ETFA: variants seen among roughly 807,000 people sequenced by gnomAD.
ETFA encodes the protein electron transfer flavoprotein subunit alpha, mitochondrial.
Under a neutral mutation model 46.2 loss-of-function variants are expected in ETFA, and 22 were observed. The observed-to-expected ratio is 0.48, with a 90% confidence interval of 0.34 to 0.68. The LOEUF (loss-of-function observed/expected upper bound fraction) is 0.68, where lower values mean the gene tolerates loss of function less well. ETFA is among the 30% of genes least tolerant of loss of function. The probability of loss-of-function intolerance (pLI) is 0.01; values close to 1 mark genes in which losing one functional copy is unlikely to be tolerated. For synonymous variants in ETFA, 131 were observed against 139.9 expected (o/e 0.94, Z 0.45); for missense variants, 345 against 401.1 (o/e 0.86, Z 1.19).
chr15:76,233,141 T>C (rs2039086287), intron 9 of ETFA, among the ~76,000 whole-genome samples: 1 of 152,150 alleles, frequency 6.6e-6, no homozygotes, highest in Non-Finnish European at 1.5e-5. Context: ...TGGATGAGGA[T>C]AAAAAGCAAT....
intron 1 of ETFA, among the ~76,000 whole-genome samples, chr15:76,304,646 A>AG (rs1243983828): frequency 6.7e-6 from 1 of 149,448 alleles, no homozygotes; most frequent in East Asian, 2.0e-4. Context: ...CCTGGGTGAG[A>AG]GTAAGACTCT....
intron 8 of ETFA, among the ~76,000 whole-genome samples, chr15:76,275,974 T>A (rs902048925): frequency 6.6e-6 from 1 of 152,180 alleles, no homozygotes; most frequent in Non-Finnish European, 1.5e-5. Flanking sequence ...GAATACAATG[T>A]TATTATTTTA....
rs1342201540 is a variant in ETFA at position 76,234,247 on chromosome 15, A to C, written c.817-2849T>G. 2.6e-5 allele frequency among the ~76,000 whole-genome samples: 4 copies of C among 152,176 alleles called. 1 individual carries two copies. Among genetic ancestry groups the C allele is most frequent in the Admixed American group, 2.6e-4 (4 of 15,272 alleles). On this transcript the variant is annotated intron_variant, in intron 9 of 11. Transcript: ENST00000557943. ...TATAGGGATTTTGGCGGCTGCTCTG[A>C]GGCTCTGATAGCTCTCTCAGGAAGA...
At position 76,276,746 on chromosome 15, in the gene ETFA, GT is replaced by G. The variant is rs527919642; in HGVS notation, c.734-2253del. Among the ~76,000 whole-genome samples the G allele has an allele frequency of 6.2e-4, 95 of 152,240 alleles. 1 individual carries two copies. The highest frequency in any genetic ancestry group is 4.9e-4 in the Non-Finnish European group (33 of 67,998). ...TCGGCCATATCCAGTCTACTAAGAA[GT>G]CCTTAAAAGGTATACTTCATTTCTG... is the stretch of plus-strand genomic sequence containing the variant. On this transcript the variant is annotated intron_variant, in intron 8 of 11. Coordinates refer to ENST00000557943, the MANE Select transcript of ETFA (RefSeq NM_000126.4).
chr15:76,259,423 G>A, intron 9 of ETFA: 1 of 1,176,648 alleles, frequency 8.5e-7, no homozygotes, highest in Non-Finnish European at 1.3e-6. Context: ...GGATGGAGTG[G>A]GAGTGTAAGA....
chr15:76,279,317 C>A (rs190521536), intron 8 of ETFA, among the ~76,000 whole-genome samples: 1 of 152,208 alleles, frequency 6.6e-6, no homozygotes, highest in Admixed American at 6.5e-5. Context: ...GTTCTGTCAC[C>A]CAGGCTGGAG....
Position 76,225,943 on chromosome 15 carries a change from A to G in ETFA, c.883-14T>C. The stretch of plus-strand genomic sequence containing the variant: ...TGCCACAATTGTCTGTGAAATAAAA[A>G]CAAAGAGTTTGACTTTTACCAAGAA... On this transcript the variant is annotated splice_polypyrimidine_tract_variant and intron_variant, in intron 10 of 11. Transcript: ENST00000557943. 1 of 1,554,624 alleles carries G rather than the reference A, an allele frequency of 6.4e-7. No homozygotes were observed. The highest frequency in any genetic ancestry group is 1.4e-5 in the African/African-American group (1 of 73,914).
At chr15:76,278,262 G>A (rs144517035) in intron 8 of ETFA, among the ~76,000 whole-genome samples, 10 of 152,180 alleles carry the variant, frequency 6.6e-5, no homozygotes, top group East Asian at 3.9e-4. Flanking sequence ...AATTTTCAGC[G>A]TCTTTCTGAC....
At chr15:76,238,766 G>C (rs559039594) in intron 9 of ETFA, among the ~76,000 whole-genome samples, 2 of 152,020 alleles carry the variant, frequency 1.3e-5, no homozygotes, top group Non-Finnish European at 2.9e-5. Flanking sequence ...TCATTTAAAA[G>C]GCCAAACTAT....
intron 9 of ETFA, among the ~76,000 whole-genome samples, chr15:76,270,516 CT>C (rs1363624447): frequency 1.3e-5 from 2 of 152,272 alleles, no homozygotes; most frequent in East Asian, 3.9e-4. Context: ...CATTCTCTAG[CT>C]TTTTTCACTG....
At chr15:76,259,673 T>A in intron 9 of ETFA, 1 of 1,017,534 alleles carries the variant, frequency 9.8e-7, no homozygotes, top group Non-Finnish European at 1.6e-6. Flanking sequence ...AGCCCCGCTG[T>A]AGATCTTCCA....
Position 76,296,772 on chromosome 15 carries a change from A to T in ETFA, c.40-1035T>A, listed in dbSNP as rs550311021. 1.1e-4 allele frequency among the ~76,000 whole-genome samples: 17 copies of T among 152,374 alleles called. 2 individuals are homozygous for T. The South Asian group carries it at 3.1e-3, about 28-fold the overall frequency. The stretch of plus-strand genomic sequence containing the variant: ...TGGAATAATTTTAAACACAAGGAAC[A>T]CAAAGATGAACAAGAATGGTCCCTG... On this transcript the variant is annotated intron_variant, in intron 1 of 11. Transcript: ENST00000557943.
At chr15:76,252,737 C>A (rs922973455) in intron 9 of ETFA, among the ~76,000 whole-genome samples, 1 of 151,884 alleles carries the variant, frequency 6.6e-6, no homozygotes, top group Admixed American at 6.6e-5. Flanking sequence ...TATGAACTGA[C>A]AAAATTGGGA....
At chr15:76,271,587 A>AT (rs2039531687) in intron 9 of ETFA, among the ~76,000 whole-genome samples, 5 of 152,218 alleles carry the variant, frequency 3.3e-5, no homozygotes, top group Admixed American at 3.3e-4. Context: ...TCCTTTTGCT[A>AT]TAAAGGACAT....
Position 76,243,973 on chromosome 15 carries a change from G to T in ETFA, c.817-12575C>A, listed in dbSNP as rs555265937. Among the ~76,000 whole-genome samples, 849 of 152,104 alleles carry T rather than the reference G, an allele frequency of 5.6e-3. 15 individuals carry two copies. Among genetic ancestry groups the T allele is most frequent in the African/African-American group, 0.02 (816 of 41,484 alleles). On this transcript the variant is annotated intron_variant, in intron 9 of 11. Transcript: ENST00000557943. ...GCGATCTCAGCTCACCGCAACCTCTGCCTCCCAGGTTCAAGCAATTCTCGT... is the reference window on the plus strand; with the variant it reads ...GCGATCTCAGCTCACCGCAACCTCTTCCTCCCAGGTTCAAGCAATTCTCGT...
At chr15:76,298,650 A>G (rs1389715733) in intron 1 of ETFA, among the ~76,000 whole-genome samples, 7 of 152,214 alleles carry the variant, frequency 4.6e-5, no homozygotes, top group African/African-American at 1.7e-4. Context: ...GGTTATTCTA[A>G]GTCCAGGTAG....
At chr15:76,266,101 T>C (rs1033181876) in intron 9 of ETFA, among the ~76,000 whole-genome samples, 2 of 152,174 alleles carry the variant, frequency 1.3e-5, no homozygotes, top group Non-Finnish European at 2.9e-5. Context: ...ATCGGGTAAA[T>C]GGAGAATGCT....
intron 1 of ETFA, among the ~76,000 whole-genome samples, chr15:76,303,498 G>A (rs1216632170): frequency 6.7e-6 from 1 of 148,406 alleles, no homozygotes. Flanking sequence ...CTTCTGCACA[G>A]CAAAATAAAC....
intron 2 of ETFA, among the ~76,000 whole-genome samples, chr15:76,294,346 T>C (rs918727391): frequency 4.6e-5 from 7 of 152,180 alleles, no homozygotes; most frequent in African/African-American, 1.7e-4. Context: ...TACAAATAGA[T>C]AGCTTAGCCA....
Sources: allele counts gnomAD v4.1 joint callset (sites outside exome capture counted in the v4.1 genomes callset), GRCh38; gene constraint gnomAD v4.1.1; transcripts MANE v1.5; gene names NCBI Gene and HGNC (gene_info 2026-07-23, HGNC 2026-07-21).